The following POLD3 variants were observed in gnomAD, a reference collection of about 807,000 sequenced individuals.
POLD3 encodes DNA polymerase delta 3, accessory subunit, also known as DNA polymerase delta subunit 3.
POLD3 carries 19 observed loss-of-function variants against 58.2 expected under a neutral mutation model. That is an observed-to-expected ratio of 0.33 (90% CI 0.23 to 0.48). The LOEUF is 0.48. Ranked by LOEUF, POLD3 falls within the 20% of genes least tolerant of loss-of-function variation. The probability of loss-of-function intolerance (pLI) is 0.99; values close to 1 mark genes in which losing one functional copy is unlikely to be tolerated. For synonymous variants in POLD3, 172 were observed against 193.5 expected (o/e 0.89, Z 0.92); for missense variants, 504 against 545.5 (o/e 0.92, Z 0.76).
At chr11:74,661,808 A>T (rs1410006735) in intron 4 of POLD3, among the ~76,000 whole-genome samples, 2 of 152,240 alleles carry the variant, frequency 1.3e-5, no homozygotes, top group Non-Finnish European at 1.5e-5. Flanking sequence ...GGGTCCAGAG[A>T]TGCTGTCTGG....
intron 4 of POLD3, among the ~76,000 whole-genome samples, chr11:74,665,532 C>T (rs2033258366): frequency 6.6e-6 from 1 of 150,970 alleles, no homozygotes; most frequent in Non-Finnish European, 1.5e-5. Flanking sequence ...TCCAGAGTAG[C>T]TGCAATTACA....
intron 6 of POLD3, among the ~76,000 whole-genome samples, chr11:74,619,400 A>C (rs375705510): frequency 7.7e-4 from 117 of 152,266 alleles, no homozygotes; most frequent in Middle Eastern, 6.8e-3. Context: ...TCCAGTGTCA[A>C]GTGTATTTAA....
intron 2 of POLD3, among the ~76,000 whole-genome samples, chr11:74,601,377 C>T (rs915349717): frequency 1.3e-5 from 2 of 152,172 alleles, no homozygotes; most frequent in Non-Finnish European, 2.9e-5. Context: ...CCTTTTTGTA[C>T]TCAAGGTGTT....
chr11:74,652,454 A>G (rs995969555), intron 4 of POLD3, among the ~76,000 whole-genome samples: 14 of 152,226 alleles, frequency 9.2e-5, no homozygotes, highest in African/African-American at 3.4e-4. Flanking sequence ...AGTAATAGAG[A>G]CCAACTCTAA....
intron 4 of POLD3, among the ~76,000 whole-genome samples, chr11:74,657,112 A>G (rs967997278): frequency 1.3e-5 from 2 of 151,734 alleles, no homozygotes; most frequent in Non-Finnish European, 2.9e-5. Flanking sequence ...TCTTTTTTAA[A>G]TTTCCATTCG....
chr11:74,661,205 T>G (rs2033203049), intron 4 of POLD3, among the ~76,000 whole-genome samples: 1 of 152,176 alleles, frequency 6.6e-6, no homozygotes, highest in Non-Finnish European at 1.5e-5. Flanking sequence ...CCTGGCACTT[T>G]ATTTAGTTCA....
chr11:74,630,710 AAC>A lies in POLD3; in HGVS notation c.1006+1389_1006+1390del, dbSNP rs1257555917. On this transcript the variant is annotated intron_variant, in intron 9 of 11. Transcript: ENST00000263681. Reference sequence around the variant, plus strand: ...AAATGTAGGAATAGGTGCTAATTGGAACAGTCTTCCCTATTTCCAATCAGTAA... The same window carrying A: ...AAATGTAGGAATAGGTGCTAATTGGAAGTCTTCCCTATTTCCAATCAGTAA... Among the ~76,000 whole-genome samples the A allele has an allele frequency of 3.3e-5, 5 of 152,354 alleles. No homozygotes were observed. The South Asian group carries it at 1.0e-3, about 32-fold the overall frequency.
chr11:74,608,129 G>T (rs1490407207), intron 3 of POLD3, among the ~76,000 whole-genome samples: 3 of 152,018 alleles, frequency 2.0e-5, no homozygotes, highest in African/African-American at 7.3e-5. Context: ...AATGATTTTA[G>T]CTGAGATTAG....
chr11:74,662,269 A>G (rs781662611), intron 4 of POLD3, among the ~76,000 whole-genome samples: 15 of 152,060 alleles, frequency 9.9e-5, no homozygotes, highest in African/African-American at 2.9e-4. Context: ...CACCATGGCC[A>G]TCACAGCTGG....
Position 74,618,539 on chromosome 11 carries a change from T to A in POLD3, c.395T>A (p.Phe132Tyr). 6.2e-7 allele frequency: 1 copy of A among 1,604,468 alleles called. No individual in the cohort carries two copies. ...LKSNLQNCSK[F>Y]SAIQCAAAVP... ...TAATGTAACATTTCTGTCCCCAGAT[T>A]TAGTGCTATACAATGTGCAGCTGCC... Residue 132 changes from phenylalanine (F) to tyrosine (Y), a missense_variant and splice_region_variant, in exon 6 of 12, where the codon TTT (phenylalanine) becomes TAT (tyrosine). Physicochemically the swap from Phe to Tyr is conservative, Grantham distance 22 (BLOSUM62 3). This residue lies in a region of POLD3 where 119 missense variants were observed against 175.0 expected (regional missense o/e 0.68). Transcript: ENST00000263681.
chr11:74,641,504 G>A lies in POLD3; in HGVS notation c.*738G>A, dbSNP rs1021674155. The A allele has an allele frequency of 1.9e-5, 19 of 985,246 alleles. No individual in the cohort carries two copies. In the African/African-American group the frequency reaches 2.3e-4, roughly 12 times the overall value. 61.0% of individuals were successfully genotyped at this position (985,246 alleles called of 1,614,324 possible). On this transcript the variant is annotated 3_prime_UTR_variant, in exon 12 of 12. Transcript: ENST00000263681. ...GTTCAACTCCACCAGAAATTACCTCGAGTCAGCATTGACGATATTGGAGGA... is the reference window on the plus strand; with the variant it reads ...GTTCAACTCCACCAGAAATTACCTCAAGTCAGCATTGACGATATTGGAGGA...
At chr11:74,639,860 C>T (rs2032863358) in intron 11 of POLD3, among the ~76,000 whole-genome samples, 1 of 152,066 alleles carries the variant, frequency 6.6e-6, no homozygotes, top group African/African-American at 2.4e-5. Flanking sequence ...CAATTTATCA[C>T]TGTCATTCCT....
chr11:74,608,441 A>AT (rs1405455430), intron 3 of POLD3, among the ~76,000 whole-genome samples: 6 of 151,488 alleles, frequency 4.0e-5, no homozygotes, highest in African/African-American at 1.2e-4. Flanking sequence ...TTTAGCTGTA[A>AT]TTTTTCTGTG....
rs1277307540 is a variant in POLD3 at position 74,642,964 on chromosome 11, G to T, written c.*2198G>T. The T allele has an allele frequency of 1.0e-6, 1 of 982,712 alleles. No homozygotes were observed. The highest frequency in any genetic ancestry group is 1.2e-6 in the Non-Finnish European group (1 of 827,616). 60.9% of individuals were successfully genotyped at this position (982,712 alleles called of 1,614,324 possible). ...CATCTAGAAGAAAATCTAGCACATT[G>T]TATTAGTTTGGCTTCATCACTTGCT... On this transcript the variant is annotated 3_prime_UTR_variant, in exon 12 of 12. Coordinates refer to ENST00000263681, the MANE Select transcript of POLD3 (RefSeq NM_006591.3).
intron 7 of POLD3, among the ~76,000 whole-genome samples, chr11:74,622,589 G>A (rs939679760): frequency 3.3e-5 from 5 of 152,050 alleles, no homozygotes; most frequent in African/African-American, 1.2e-4. Context: ...TATTGTATTC[G>A]ACACATGACA....
intron 3 of POLD3, among the ~76,000 whole-genome samples, chr11:74,607,236 A>T (rs2031709484): frequency 1.1e-5 from 1 of 94,280 alleles, no homozygotes; most frequent in Admixed American, 1.2e-4. Context: ...ATTTATTATT[A>T]TTATTATATA....
Position 74,640,591 on chromosome 11 carries a change from C to A in POLD3, c.1226C>A (p.Ser409Tyr). 6.3e-7 allele frequency: 1 copy of A among 1,594,538 alleles called. No individual in the cohort carries two copies. The highest frequency in any genetic ancestry group is 8.5e-7 in the Non-Finnish European group (1 of 1,171,868). ...ACTGAAAAAGTCTACGAGAGTGAATCCTGCACAGATAGTGAAGAGGAGCTT... is the reference window on the plus strand; with the variant it reads ...ACTGAAAAAGTCTACGAGAGTGAATACTGCACAGATAGTGAAGAGGAGCTT... ...IVTEKVYESE[S>Y]CTDSEEELNM... The change falls in exon 12 of 12, where the codon TCC becomes TAC. Residue 409 changes from serine to tyrosine, a missense_variant. Ser to Tyr is a moderately radical substitution (Grantham distance 144). Around this residue, in one of 2 missense-constraint regions of POLD3, gnomAD observed 385 missense variants for 370.5 expected, o/e 1.04. Transcript: ENST00000263681.
chr11:74,640,964 G>A lies in POLD3; in HGVS notation c.*198G>A, dbSNP rs1565129908. ...ATCTGGAAGCAGGAGGCAAAAAGCT[G>A]TTACCTTCTAATGACATTTAAAAAG... On this transcript the variant is annotated 3_prime_UTR_variant, in exon 12 of 12. Coordinates refer to ENST00000263681, the MANE Select transcript of POLD3 (RefSeq NM_006591.3). 5 of 1,264,600 alleles carry A rather than the reference G, an allele frequency of 4.0e-6. No homozygotes were observed. The highest frequency in any genetic ancestry group is 5.0e-6 in the Non-Finnish European group (5 of 1,006,786). 78.3% of individuals were successfully genotyped at this position (1,264,600 alleles called of 1,614,324 possible).
Position 74,641,227 on chromosome 11 carries a change from G to GT in POLD3, c.*462dup, listed in dbSNP as rs1049591704. 1.0e-6 allele frequency: 1 copy of GT among 985,478 alleles called. No homozygotes were observed. The highest frequency in any genetic ancestry group is 6.1e-5 in the Admixed American group (1 of 16,272). 61.0% of individuals were successfully genotyped at this position (985,478 alleles called of 1,614,324 possible). ...CGTTTACCCCTCTTGTCTTCCTGCA[G>GT]TACCACACTTCTGTCCCCTAACCTC... On this transcript the variant is annotated 3_prime_UTR_variant, in exon 12 of 12. Transcript: ENST00000263681.
Sources: allele counts gnomAD v4.1 joint callset (sites outside exome capture counted in the v4.1 genomes callset), GRCh38; gene constraint gnomAD v4.1.1; regional missense constraint gnomAD v4.1.1; transcripts MANE v1.5; gene names NCBI Gene and HGNC (gene_info 2026-07-23, HGNC 2026-07-21).